GLG1: variants seen among roughly 807,000 people sequenced by gnomAD.
GLG1 encodes the protein Golgi apparatus protein 1.
GLG1 carries 38 observed loss-of-function variants against 160.5 expected under a neutral mutation model. That is an observed-to-expected ratio of 0.24 (90% CI 0.18 to 0.31). GLG1 has a LOEUF of 0.31. GLG1 is among the 10% of genes least tolerant of loss of function. The pLI is 1.00. For missense variants in GLG1, 1,373 were observed against 1,505.2 expected, an observed-to-expected ratio of 0.91 and a Z score of 1.45; for synonymous variants, 644 against 543.4, an observed-to-expected ratio of 1.19 and a Z score of -2.57.
intron 1 of GLG1, among the ~76,000 whole-genome samples, chr16:74,560,628 C>T (rs944974985): frequency 6.6e-6 from 1 of 152,208 alleles, no homozygotes; most frequent in Non-Finnish European, 1.5e-5. Flanking sequence ...GCATGAGCCA[C>T]TGCGCCTAGC....
intron 1 of GLG1, among the ~76,000 whole-genome samples, chr16:74,573,640 C>G (rs1263037424): frequency 7.2e-6 from 1 of 138,788 alleles, no homozygotes; most frequent in Non-Finnish European, 1.5e-5. Context: ...TGCCCAGGCT[C>G]GACCTCCTGG....
chr16:74,606,258 T>C (rs1465106835), intron 1 of GLG1, among the ~76,000 whole-genome samples: 5 of 152,242 alleles, frequency 3.3e-5, no homozygotes, highest in Non-Finnish European at 7.3e-5. Flanking sequence ...ACGCCAGGCA[T>C]TTTTTTATGT....
Position 74,520,505 on chromosome 16 carries a change from G to A in GLG1, c.472-11580C>T, listed in dbSNP as rs948186342. Among the ~76,000 whole-genome samples, 5 of 152,088 alleles carry A rather than the reference G, an allele frequency of 3.3e-5. No individual in the cohort carries two copies. In the South Asian group the frequency reaches 6.2e-4, roughly 19 times the overall value. ...TACAAAATTAGCTGGGCGTGGTGGC[G>A]CATGCCTGTAATCCCAGCTACTTGG... On this transcript the variant is annotated intron_variant, in intron 2 of 25. Transcript: ENST00000422840.
At position 74,483,058 on chromosome 16, in the gene GLG1, G is replaced by C. The variant is rs374060703; in HGVS notation, c.1638C>G (p.Leu546=). 3.1e-6 allele frequency: 5 copies of C among 1,608,220 alleles called. No homozygotes were observed. Among genetic ancestry groups the C allele is most frequent in the African/African-American group, 1.3e-5 (1 of 74,814 alleles). ...GGGAGATGAAATACTGCAGCTCTAA[G>C]AGACGGTGTTCACAGTCTTCTACCA... The part of the protein sequence containing the change: ...EKMVEDCEHR[L]LELQYFISRD... Residue 546 remains leucine, a synonymous_variant, in exon 10 of 26, where the codon CTC becomes CTG. Transcript: ENST00000422840.
chr16:74,580,252 G>T (rs765034181), intron 1 of GLG1, among the ~76,000 whole-genome samples: 1 of 152,130 alleles, frequency 6.6e-6, no homozygotes, highest in East Asian at 1.9e-4. Context: ...GGGAGGCTGA[G>T]GTGGGAGGAT....
intron 1 of GLG1, among the ~76,000 whole-genome samples, chr16:74,581,514 T>C (rs1327806635): frequency 7.3e-6 from 1 of 137,284 alleles, no homozygotes; most frequent in Non-Finnish European, 1.5e-5. Flanking sequence ...TTAATGATTA[T>C]GGAGATTCAA....
chr16:74,483,115 CG>C lies in GLG1; in HGVS notation c.1580del (p.Ser527CysfsTer3). 6.3e-7 allele frequency: 1 copy of C among 1,587,998 alleles called. No individual in the cohort carries two copies. The highest frequency in any genetic ancestry group is 8.6e-7 in the Non-Finnish European group (1 of 1,156,524). On this transcript the variant is annotated frameshift_variant, in exon 10 of 26. Coordinates refer to ENST00000422840, the MANE Select transcript of GLG1 (RefSeq NM_001145667.2). LOFTEE classifies it high-confidence loss of function. ...CTGTGTATAAATGTTCCATCAGGCA[CG>C]ACAAGATCCTAGCCATTAAATGTGT... ...HIRSGDPMIL[S>X]CLMEHLYTEK...
chr16:74,527,936 G>A (rs1597311629), intron 2 of GLG1, among the ~76,000 whole-genome samples: 1 of 143,978 alleles, frequency 6.9e-6, no homozygotes, highest in Admixed American at 7.1e-5. Flanking sequence ...CCAGGCTGAA[G>A]TGCAGTGGTG....
At chr16:74,592,847 C>A (rs1006135720) in intron 1 of GLG1, among the ~76,000 whole-genome samples, 1 of 152,050 alleles carries the variant, frequency 6.6e-6, no homozygotes, top group African/African-American at 2.4e-5. Context: ...TTGAATATGT[C>A]CCCCAAAGTT....
chr16:74,499,031 T>C (rs1258291458), intron 4 of GLG1, among the ~76,000 whole-genome samples: 3 of 152,138 alleles, frequency 2.0e-5, no homozygotes, highest in Non-Finnish European at 2.9e-5. Flanking sequence ...TTTCGTGTTA[T>C]CTCCTAACAC....
Position 74,485,968 on chromosome 16 carries a change from G to C in GLG1, c.1450-51C>G, listed in dbSNP as rs372262828. 1.5e-4 allele frequency: 225 copies of C among 1,464,966 alleles called. No individual in the cohort carries two copies. In the African/African-American group the frequency reaches 2.7e-3, roughly 17 times the overall value. 90.7% of individuals were successfully genotyped at this position (1,464,966 alleles called of 1,614,324 possible). A position where few individuals can be genotyped will look rare whatever the true frequency, so the allele number is the denominator to read the frequency against. On this transcript the variant is annotated intron_variant, in intron 8 of 25. Coordinates refer to ENST00000422840, the MANE Select transcript of GLG1 (RefSeq NM_001145667.2). ...AGAAAGAAAGTCACTTAGGTGCTAGGTAAGAGCAGTGTCTTCATACATTCA... is the reference window on the plus strand; with the variant it reads ...AGAAAGAAAGTCACTTAGGTGCTAGCTAAGAGCAGTGTCTTCATACATTCA...
At chr16:74,583,589 A>G (rs1474723905) in intron 1 of GLG1, among the ~76,000 whole-genome samples, 1 of 152,170 alleles carries the variant, frequency 6.6e-6, no homozygotes, top group African/African-American at 2.4e-5. Context: ...CATGTTGGCC[A>G]GGCTGGTCTT....
At chr16:74,593,114 A>G (rs1475729758) in intron 1 of GLG1, among the ~76,000 whole-genome samples, 1 of 152,084 alleles carries the variant, frequency 6.6e-6, no homozygotes, top group Non-Finnish European at 1.5e-5. Context: ...TGGCCTCTCA[A>G]TCTTGGACTT....
chr16:74,573,614 C>T (rs1158294248), intron 1 of GLG1, among the ~76,000 whole-genome samples: 2 of 120,964 alleles, frequency 1.7e-5, no homozygotes, highest in Non-Finnish European at 1.6e-5. Flanking sequence ...TAAATAGAGA[C>T]AGGGTCTCAC....
Position 74,504,215 on chromosome 16 carries a change from AT to A in GLG1, c.559-470del, listed in dbSNP as rs768232762. On this transcript the variant is annotated intron_variant, in intron 3 of 25. Coordinates refer to ENST00000422840, the MANE Select transcript of GLG1 (RefSeq NM_001145667.2). ...CCTAAGCCAAGCTACACAGAAAACTATTATTGTTAGGCAAACCTAAGGGCCA... is the reference window on the plus strand; with the variant it reads ...CCTAAGCCAAGCTACACAGAAAACTATATTGTTAGGCAAACCTAAGGGCCA... Among the ~76,000 whole-genome samples, 6 of 152,294 alleles carry A rather than the reference AT, an allele frequency of 3.9e-5. 1 individual carries two copies. The East Asian group carries it at 7.7e-4, about 20-fold the overall frequency.
chr16:74,515,847 G>A (rs986998652), intron 2 of GLG1, among the ~76,000 whole-genome samples: 1 of 151,502 alleles, frequency 6.6e-6, no homozygotes, highest in South Asian at 2.1e-4. Flanking sequence ...TAAAGGGATG[G>A]AGGAAGATCT....
At chr16:74,545,904 G>A (rs550412987) in intron 1 of GLG1, among the ~76,000 whole-genome samples, 3 of 152,196 alleles carry the variant, frequency 2.0e-5, no homozygotes, top group South Asian at 2.1e-4. Flanking sequence ...GTTACCAACC[G>A]GTCAACTTTA....
chr16:74,587,361 G>C (rs1019927124), intron 1 of GLG1, among the ~76,000 whole-genome samples: 50 of 152,282 alleles, frequency 3.3e-4, no homozygotes, highest in Non-Finnish European at 3.1e-4. Context: ...AAAGCAGCTA[G>C]AATTTGAAAG....
At chr16:74,579,645 C>T (rs1957894296) in intron 1 of GLG1, among the ~76,000 whole-genome samples, 1 of 151,606 alleles carries the variant, frequency 6.6e-6, no homozygotes, top group African/African-American at 2.4e-5. Context: ...TGGCTTGAAC[C>T]AGGGAGGCGG....
Sources: allele counts gnomAD v4.1 joint callset (sites outside exome capture counted in the v4.1 genomes callset), GRCh38; gene constraint gnomAD v4.1.1; transcripts MANE v1.5; gene names NCBI Gene and HGNC (gene_info 2026-07-23, HGNC 2026-07-21).